The following ATG4B variants were observed in gnomAD, a reference collection of about 807,000 sequenced individuals.
ATG4B encodes the protein autophagy related 4B cysteine peptidase.
A neutral mutation model predicts 56.6 loss-of-function variants in ATG4B; 29 were observed. That is an observed-to-expected ratio of 0.51 (90% CI 0.38 to 0.70). The LOEUF (loss-of-function observed/expected upper bound fraction) is 0.70, where lower values mean the gene tolerates loss of function less well. Among genes scored for constraint, ATG4B ranks in the 30% least tolerant of loss-of-function variants. ATG4B has a pLI of 0.00. For synonymous variants in ATG4B, 224 were observed against 206.1 expected, an observed-to-expected ratio of 1.09 and a Z score of -0.74; for missense variants, 461 against 515.5, an observed-to-expected ratio of 0.89 and a Z score of 1.02.
chr2:241,639,786 C>T (rs1269110394), intron 1 of ATG4B, among the ~76,000 whole-genome samples: 1 of 152,096 alleles, frequency 6.6e-6, no homozygotes, highest in Admixed American at 6.5e-5. Context: ...AAAGTCACTA[C>T]TCAAAGGTGG....
chr2:241,660,793 C>T (rs1225906186), intron 7 of ATG4B, among the ~76,000 whole-genome samples: 1 of 152,156 alleles, frequency 6.6e-6, no homozygotes, highest in African/African-American at 2.4e-5. Flanking sequence ...ACCTTAGTTC[C>T]CTGTTCACTG....
At chr2:241,654,502 C>T (rs1457375940) in intron 4 of ATG4B, 44 bp from the exon 5 acceptor site, 4 of 1,353,922 alleles carry the variant, frequency 3.0e-6, no homozygotes, top group South Asian at 2.5e-5. Context: ...AAACTTGTTT[C>T]TCATATTTAT....
At chr2:241,646,099 G>A (rs1189100917) in intron 1 of ATG4B, among the ~76,000 whole-genome samples, 1 of 152,212 alleles carries the variant, frequency 6.6e-6, no homozygotes, top group African/African-American at 2.4e-5. Context: ...TGGAGGTGTG[G>A]TGGTGTATTT....
rs2068844929 is a variant in ATG4B at position 241,668,356 on chromosome 2, C to T, written c.811+135C>T. ...GCATGCCCTGGGGTTCATTTTCAGC[C>T]TGGTCGCGGGCGGCCTCCTGTGTGC... On this transcript the variant is annotated intron_variant, in intron 9 of 12. Coordinates refer to ENST00000404914, the MANE Select transcript of ATG4B (RefSeq NM_013325.5). This position sits in a 1 kb window ranked among gnomAD's most constrained non-coding sequence, Gnocchi z 4.2. 7.2e-7 allele frequency: 1 copy of T among 1,379,658 alleles called. No individual in the cohort carries two copies. Among genetic ancestry groups the T allele is most frequent in the Admixed American group, 2.0e-5 (1 of 49,156 alleles). 85.5% of individuals were successfully genotyped at this position (1,379,658 alleles called of 1,614,324 possible).
rs2068232169 is a variant in ATG4B, at chr2:241,651,568, G to A, written c.184+233G>A. On this transcript the variant is annotated intron_variant, in intron 3 of 12. Transcript: ENST00000404914. The surrounding 1 kb of genome is among the most constrained non-coding windows in gnomAD (Gnocchi z 4.1). ...CTGCAAATCCCAGCTTATTACTGGA[G>A]CTGGAAATCAGTATCATGAGTTATG... 6.6e-6 allele frequency among the ~76,000 whole-genome samples: 1 copy of A among 152,204 alleles called. No homozygotes were observed. Among genetic ancestry groups the A allele is most frequent in the African/African-American group, 2.4e-5 (1 of 41,448 alleles).
chr2:241,651,036 T>G lies in ATG4B; in HGVS notation c.37T>G (p.Phe13Val), dbSNP rs751107057. Residue 13 changes from phenylalanine to valine, a missense_variant, in exon 2 of 13, where the codon TTT becomes GTT. By Grantham distance (50) the Phe-to-Val change is conservative. Coordinates refer to ENST00000404914, the MANE Select transcript of ATG4B (RefSeq NM_013325.5). The surrounding 1 kb of genome is among the most constrained non-coding windows in gnomAD (Gnocchi z 4.1). ...AATLTYDTLR[F>V]AEFEDFPETS... is the part of the protein sequence containing the mutation. ...TACTCTGACCTACGACACTCTCCGG[T>G]TTGCTGAGTTTGAAGATTTTCCTGA... The G allele has an allele frequency of 6.2e-7, 1 of 1,613,972 alleles. No individual in the cohort carries two copies. The highest frequency in any genetic ancestry group is 1.1e-5 in the South Asian group (1 of 91,048).
At chr2:241,665,971 A>T (rs1000438270) in intron 7 of ATG4B, among the ~76,000 whole-genome samples, 9 of 152,032 alleles carry the variant, frequency 5.9e-5, no homozygotes, top group Admixed American at 3.3e-4. Flanking sequence ...GCCGGTGGCC[A>T]CCTCAGTCTG....
chr2:241,672,330 A>G lies in ATG4B; in HGVS notation c.*66A>G. ...CTCCTGGTGCCGCTGCGTTTCATCC[A>G]TCCCGCCCGCTCGCCTGCCGAGGGC... is the stretch of plus-strand genomic sequence containing the variant. On this transcript the variant is annotated 3_prime_UTR_variant, in exon 13 of 13. Coordinates refer to ENST00000404914, the MANE Select transcript of ATG4B (RefSeq NM_013325.5). The G allele has an allele frequency of 7.1e-7, 1 of 1,406,176 alleles. No individual in the cohort carries two copies. 87.1% of individuals were successfully genotyped at this position (1,406,176 alleles called of 1,614,324 possible). A position where few individuals can be genotyped will look rare whatever the true frequency, so the allele number is the denominator to read the frequency against.
chr2:241,665,956 C>T (rs1478404286), intron 7 of ATG4B, among the ~76,000 whole-genome samples: 1 of 152,228 alleles, frequency 6.6e-6, no homozygotes, highest in East Asian at 1.9e-4. Flanking sequence ...ACGGTTCCAC[C>T]TTTGGCCGGT....
chr2:241,669,884 C>T (rs1559274073), intron 10 of ATG4B, among the ~76,000 whole-genome samples: 2 of 151,294 alleles, frequency 1.3e-5, no homozygotes, highest in African/African-American at 2.4e-5. Context: ...ACTGTAAACG[C>T]AGCTTGGTGG....
chr2:241,644,314 G>GCTTGGGTGACAGAGCCAGACC (rs1335671519), intron 1 of ATG4B, among the ~76,000 whole-genome samples: 3 of 152,146 alleles, frequency 2.0e-5, no homozygotes, highest in Non-Finnish European at 4.4e-5. Flanking sequence ...CTGCACTCCA[G>GCTTGGGTGACAGAGCCAGACC]CTTGGGTGAC....
At chr2:241,661,095 AGT>A (rs1161969096) in intron 7 of ATG4B, among the ~76,000 whole-genome samples, 1 of 152,150 alleles carries the variant, frequency 6.6e-6, no homozygotes, top group Non-Finnish European at 1.5e-5. Flanking sequence ...GGCTTGTCAG[AGT>A]GAGAGTGGAG....
intron 11 of ATG4B, 104 bp from the exon 12 acceptor site, chr2:241,671,208 G>A (rs1409494885): frequency 1.0e-6 from 1 of 978,226 alleles, no homozygotes; most frequent in Non-Finnish European, 1.6e-6. Context: ...TCAGTGAGAT[G>A]GGATGACAGG....
chr2:241,662,467 C>T (rs1183608672), intron 7 of ATG4B, among the ~76,000 whole-genome samples: 2 of 152,210 alleles, frequency 1.3e-5, no homozygotes, highest in East Asian at 3.9e-4. Context: ...AAAGAGAACA[C>T]GAGAAAATTT....
At chr2:241,656,959 C>T (rs2068422648) in intron 6 of ATG4B, among the ~76,000 whole-genome samples, 1 of 152,072 alleles carries the variant, frequency 6.6e-6, no homozygotes, top group Admixed American at 6.6e-5. Context: ...CCGTGCCTGG[C>T]CAGGACTCCT....
chr2:241,643,115 C>G (rs949523617), intron 1 of ATG4B, among the ~76,000 whole-genome samples: 1 of 151,678 alleles, frequency 6.6e-6, no homozygotes, highest in African/African-American at 2.4e-5. Flanking sequence ...GAACTTCTGA[C>G]CTCAAGTGAT....
At chr2:241,640,404 A>G (rs563813440) in intron 1 of ATG4B, among the ~76,000 whole-genome samples, 5 of 152,266 alleles carry the variant, frequency 3.3e-5, no homozygotes, top group African/African-American at 4.8e-5. Context: ...CCCTCCTTTG[A>G]TCTCTAGAGT....
chr2:241,641,462 A>G (rs1214143426), intron 1 of ATG4B, among the ~76,000 whole-genome samples: 3 of 151,198 alleles, frequency 2.0e-5, no homozygotes, highest in Non-Finnish European at 4.4e-5. Context: ...AGGCAGGAGA[A>G]TGGCGTGAAC....
chr2:241,648,645 G>A (rs1336987161), intron 1 of ATG4B, among the ~76,000 whole-genome samples: 1 of 151,428 alleles, frequency 6.6e-6, no homozygotes, highest in East Asian at 1.9e-4. Context: ...ACAAAGCCCT[G>A]CTGTGGAAAG....
Sources: allele counts gnomAD v4.1 joint callset (sites outside exome capture counted in the v4.1 genomes callset), GRCh38; gene constraint gnomAD v4.1.1; non-coding constraint Gnocchi (gnomAD v3.1); transcripts MANE v1.5; gene names NCBI Gene and HGNC (gene_info 2026-07-23, HGNC 2026-07-21).